ZNF724: variants seen among roughly 807,000 people sequenced by gnomAD.
The protein encoded by ZNF724 is zinc finger protein 724.
A neutral mutation model predicts 29.3 loss-of-function variants in ZNF724; 14 were observed. The ratio of observed to expected loss-of-function variants is 0.48; its 90% CI spans 0.32 to 0.75. The LOEUF (loss-of-function observed/expected upper bound fraction) is 0.75, where lower values mean the gene tolerates loss of function less well. Ranked by LOEUF, ZNF724 falls within the 30% of genes least tolerant of loss-of-function variation. The pLI is 0.04. For synonymous variants in ZNF724, 180 were observed against 193.6 expected, an observed-to-expected ratio of 0.93 and a Z score of 0.58; for missense variants, 557 against 571.2, an observed-to-expected ratio of 0.98 and a Z score of 0.25.
intron 1 of ZNF724, among the ~76,000 whole-genome samples, chr19:23,248,721 G>A (rs1291435089): frequency 1.3e-5 from 2 of 152,028 alleles, no homozygotes; most frequent in East Asian, 3.9e-4. Context: ...GAGGCAGGGA[G>A]CACTGACTCA....
chr19:23,222,933 T>A lies in ZNF724; in HGVS notation c.1312A>T (p.Thr438Ser). ...GKAFNQFSQLTTHKIIHTGEK... is the reference protein window; with the variant it reads ...GKAFNQFSQLSTHKIIHTGEK... ...CCAGTATGAATTATCTTATGTGTAGTAAGTTGTGAGAACTGGTTAAAGGCT... is the reference window on the plus strand; with the variant it reads ...CCAGTATGAATTATCTTATGTGTAGAAAGTTGTGAGAACTGGTTAAAGGCT... Residue 438 changes from threonine to serine, a missense_variant, in exon 4 of 4, where the codon ACT becomes TCT. Transcript: ENST00000418100. 1 of 1,386,802 alleles carries A rather than the reference T, an allele frequency of 7.2e-7. No individual in the cohort carries two copies. 85.9% of individuals were successfully genotyped at this position (1,386,802 alleles called of 1,614,324 possible).
intron 3 of ZNF724, among the ~76,000 whole-genome samples, chr19:23,229,404 C>A (rs1302538180): frequency 6.6e-6 from 1 of 152,188 alleles, no homozygotes; most frequent in African/African-American, 2.4e-5. Context: ...GTCCCTGAAG[C>A]AGTTCCATGA....
intron 3 of ZNF724, among the ~76,000 whole-genome samples, chr19:23,225,080 T>C (rs930740696): frequency 1.3e-5 from 2 of 152,190 alleles, no homozygotes; most frequent in African/African-American, 4.8e-5. Flanking sequence ...TATTTTAAAA[T>C]GTTATGTTTC....
rs563650616 is a variant in ZNF724, at chr19:23,222,848, G to T, written c.1397C>A (p.Thr466Asn). The T allele has an allele frequency of 2.6e-5, 37 of 1,413,308 alleles. No individual in the cohort carries two copies. The Admixed American group carries it at 4.3e-4, about 16-fold the overall frequency. 87.5% of individuals were successfully genotyped at this position (1,413,308 alleles called of 1,614,324 possible). A position where few individuals can be genotyped will look rare whatever the true frequency, so the allele number is the denominator to read the frequency against. The stretch of plus-strand genomic sequence containing the variant: ...TCCAGTATGAATTATCCTATGTTCA[G>T]TAAGGTTTGAGGACCGCTTAAAAGC... ...GKAFKRSSNL[T>N]EHRIIHTGEK... Residue 466 changes from threonine (T) to asparagine (N), a missense_variant, in exon 4 of 4, where the codon ACT (threonine) becomes AAT (asparagine). By Grantham distance (65) the Thr-to-Asn change is moderately conservative (BLOSUM62 0). Around this residue, in one of 3 missense-constraint regions of ZNF724, gnomAD observed 170 missense variants for 220.7 expected, o/e 0.77. Transcript: ENST00000418100.
intron 3 of ZNF724, 109 bp from the exon 4 acceptor site, chr19:23,224,127 G>A (rs1971779282): frequency 1.9e-6 from 1 of 538,418 alleles, no homozygotes; most frequent in Non-Finnish European, 3.2e-6. Flanking sequence ...GATTGCATAA[G>A]AAGGCCAGGC....
intron 3 of ZNF724, among the ~76,000 whole-genome samples, chr19:23,229,050 G>A (rs1204043498): frequency 6.7e-6 from 1 of 148,880 alleles, no homozygotes; most frequent in Non-Finnish European, 1.5e-5. Flanking sequence ...GGAACAGAGT[G>A]AGACTCCGTC....
At position 23,226,538 on chromosome 19, in the gene ZNF724, TAGA is replaced by T. The variant is rs549220377; in HGVS notation, c.227-2523_227-2521del. Among the ~76,000 whole-genome samples, 283 of 152,274 alleles carry T rather than the reference TAGA, an allele frequency of 1.9e-3. 3 individuals are homozygous for T. Among genetic ancestry groups the T allele is most frequent in the Middle Eastern group, 3.4e-3 (1 of 294 alleles). ...GTCATCTGTTTTTACAACAATTTTG[TAGA>T]AGAAGAACCGAAAAAAGTAAAGAAT... is the stretch of plus-strand genomic sequence containing the variant. On this transcript the variant is annotated intron_variant, in intron 3 of 3. Transcript: ENST00000418100.
Position 23,223,226 on chromosome 19 carries a change from C to A in ZNF724, c.1019G>T (p.Cys340Phe). The A allele has an allele frequency of 1.0e-6, 1 of 983,668 alleles. No individual in the cohort carries two copies. Among genetic ancestry groups the A allele is most frequent in the Non-Finnish European group, 1.6e-6 (1 of 608,176 alleles). 60.9% of individuals were successfully genotyped at this position (983,668 alleles called of 1,614,324 possible). A position where few individuals can be genotyped will look rare whatever the true frequency, so the allele number is the denominator to read the frequency against. The change falls in exon 4 of 4, where the codon TGT becomes TTT. Residue 340 changes from cysteine to phenylalanine, a missense_variant. Cys to Phe is a radical substitution (Grantham distance 205). Coordinates refer to ENST00000418100, the MANE Select transcript of ZNF724 (RefSeq NM_001355404.2). ...RIHTGDKPYK[C>F]EECGKAFNVS... ...ATTAAAGGCTTTGCCACATTCTTCA[C>A]ATTTATAAGGTTTATCACCAGTATG...
intron 1 of ZNF724, among the ~76,000 whole-genome samples, chr19:23,245,121 T>A (rs1335867067): frequency 6.6e-6 from 1 of 152,226 alleles, no homozygotes; most frequent in Non-Finnish European, 1.5e-5. Context: ...ACTCTTTTCT[T>A]ACCTATCACA....
At position 23,240,734 on chromosome 19, in the gene ZNF724, A is replaced by AG. The variant is rs1335074159; in HGVS notation, c.4-8442_4-8441insC. Among the ~76,000 whole-genome samples the AG allele has an allele frequency of 2.2e-4, 34 of 151,536 alleles. No individual in the cohort carries two copies. The East Asian group carries it at 6.4e-3, about 29-fold the overall frequency. ...ATTCCACCTAAAAAAAAAAAAAAAA[A>AG]AAAAATGGCAACAGAGGCCAAGCAC... On this transcript the variant is annotated intron_variant, in intron 1 of 3. Transcript: ENST00000418100.
intron 3 of ZNF724, among the ~76,000 whole-genome samples, chr19:23,228,031 T>A (rs1971869996): frequency 1.3e-5 from 2 of 152,166 alleles, no homozygotes; most frequent in South Asian, 4.1e-4. Flanking sequence ...GAGCCAAGCA[T>A]CATGTCTCAC....
Position 23,223,745 on chromosome 19 carries a change from T to C in ZNF724, c.500A>G (p.Lys167Arg), listed in dbSNP as rs772700608. Residue 167 changes from lysine (K) to arginine (R), a missense_variant, in exon 4 of 4, where the codon AAG becomes AGG. By Grantham distance (26) the Lys-to-Arg change is conservative (BLOSUM62 2). Around this residue, in one of 3 missense-constraint regions of ZNF724, gnomAD observed 362 missense variants for 295.5 expected, o/e 1.22. Coordinates refer to ENST00000418100, the MANE Select transcript of ZNF724 (RefSeq NM_001355404.2). ...ACATTCTTTACATTTGAAAGGATTCTTTTCAGTCTTATGTCTATTTGAATT... is the reference window on the plus strand; with the variant it reads ...ACATTCTTTACATTTGAAAGGATTCCTTTCAGTCTTATGTCTATTTGAATT... ...FSNSNRHKTE[K>R]NPFKCKECGK... 5.4e-6 allele frequency: 4 copies of C among 740,076 alleles called. No homozygotes were observed. In the East Asian group the frequency reaches 1.0e-4, roughly 19 times the overall value. 45.8% of individuals were successfully genotyped at this position (740,076 alleles called of 1,614,324 possible). A position where few individuals can be genotyped will look rare whatever the true frequency, so the allele number is the denominator to read the frequency against.
intron 3 of ZNF724, among the ~76,000 whole-genome samples, chr19:23,225,706 A>G (rs1196016269): frequency 6.6e-6 from 1 of 152,194 alleles, no homozygotes; most frequent in East Asian, 1.9e-4. Context: ...GATGCATACT[A>G]TATGATTCCA....
chr19:23,235,608 G>A (rs1160086133), intron 1 of ZNF724, among the ~76,000 whole-genome samples: 2 of 152,050 alleles, frequency 1.3e-5, no homozygotes, highest in Non-Finnish European at 2.9e-5. Context: ...CTTCCAATCA[G>A]TTCTGTGAGG....
chr19:23,243,039 C>CAAAAA (rs762188669), intron 1 of ZNF724, among the ~76,000 whole-genome samples: 1 of 112,232 alleles, frequency 8.9e-6, no homozygotes, highest in Admixed American at 1.1e-4. Flanking sequence ...AACTCCATCT[C>CAAAAA]AAAAAAAAAA....
At chr19:23,232,922 A>G (rs958460204) in intron 1 of ZNF724, among the ~76,000 whole-genome samples, 1 of 152,212 alleles carries the variant, frequency 6.6e-6, no homozygotes, top group African/African-American at 2.4e-5. Context: ...CTGTCAGATT[A>G]CATTTGATAA....
intron 1 of ZNF724, among the ~76,000 whole-genome samples, chr19:23,232,787 T>C (rs969699998): frequency 2.1e-5 from 3 of 143,314 alleles, no homozygotes; most frequent in African/African-American, 7.8e-5. Flanking sequence ...AAATATTTTA[T>C]CAAACATCCA....
chr19:23,224,723 G>C lies in ZNF724; in HGVS notation c.227-705C>G, dbSNP rs111855010. On this transcript the variant is annotated intron_variant, in intron 3 of 3. Transcript: ENST00000418100. ...GTAATCCCAACACTTTGGCGTGCCG[G>C]GTGGGCCGATCACCTGAGGTCAGGA... Among the ~76,000 whole-genome samples, 3 of 3,534 alleles carry C rather than the reference G, an allele frequency of 8.5e-4. 1 individual carries two copies. The highest frequency in any genetic ancestry group is 2.2e-3 in the African/African-American group (3 of 1,340). 2.3% of individuals were successfully genotyped at this position (3,534 alleles called of 152,430 possible). A position where few individuals can be genotyped will look rare whatever the true frequency, so the allele number is the denominator to read the frequency against.
intron 1 of ZNF724, among the ~76,000 whole-genome samples, chr19:23,246,716 G>C (rs530244516): frequency 6.6e-6 from 1 of 152,022 alleles, no homozygotes; most frequent in South Asian, 2.1e-4. Flanking sequence ...ATATAGAACA[G>C]AGATATTCAC....
Sources: gnomAD v4.1 joint callset for allele counts (sites outside exome capture counted in the v4.1 genomes callset) on GRCh38, gnomAD v4.1.1 for gene constraint, gnomAD v4.1.1 regional missense constraint, MANE v1.5 for transcripts, NCBI Gene and HGNC (gene_info 2026-07-23, HGNC 2026-07-21) for gene names.